Variants in GLIS3 observed in about 807,000 individuals in gnomAD.
GLIS3 encodes the protein zinc finger protein GLIS3.
GLIS3 carries 53 observed loss-of-function variants against 78.6 expected under a neutral mutation model. The ratio of observed to expected loss-of-function variants is 0.67; its 90% confidence interval spans 0.54 to 0.85. The LOEUF (loss-of-function observed/expected upper bound fraction) is 0.85, where lower values mean the gene tolerates loss of function less well. Ranked by LOEUF, GLIS3 falls within the 40% of genes least tolerant of loss-of-function variation. The pLI, the probability that GLIS3 is intolerant of heterozygous loss-of-function variation, is 0.00. For synonymous variants in GLIS3, 684 were observed against 509.9 expected, an observed-to-expected ratio of 1.34 and a Z score of -4.60; for missense variants, 1,703 against 1,231.1, an observed-to-expected ratio of 1.38 and a Z score of -5.74.
At chr9:4,174,269 A>C (rs1816633345) in intron 2 of GLIS3, among the ~76,000 whole-genome samples, 1 of 152,214 alleles carries the variant, frequency 6.6e-6, no homozygotes, top group African/African-American at 2.4e-5. Context: ...AACAGGTTTC[A>C]TGTATTATAC....
intron 2 of GLIS3, among the ~76,000 whole-genome samples, chr9:4,168,700 G>C (rs144597062): frequency 2.0e-5 from 3 of 152,118 alleles, no homozygotes; most frequent in African/African-American, 4.8e-5. Context: ...TGTTGTAACT[G>C]TCCTCCAAAC....
chr9:4,259,382 T>C (rs1048133206), intron 2 of GLIS3, among the ~76,000 whole-genome samples: 4 of 151,870 alleles, frequency 2.6e-5, no homozygotes, highest in African/African-American at 9.7e-5. Flanking sequence ...TGAAAACAGA[T>C]CCTCCCCATG....
chr9:4,272,195 G>A lies in GLIS3; in HGVS notation c.388+13843C>T, dbSNP rs147389643. Among the ~76,000 whole-genome samples, 364 of 152,238 alleles carry A rather than the reference G, an allele frequency of 2.4e-3. 2 individuals are homozygous for A. The highest frequency in any genetic ancestry group is 3.7e-3 in the Non-Finnish European group (250 of 68,016). Reference sequence around the variant, plus strand: ...CACTATTTTAAGCAAGTTGCGAATGGCACTTTTAACTCACATAGACACAAA... The same window carrying A: ...CACTATTTTAAGCAAGTTGCGAATGACACTTTTAACTCACATAGACACAAA... On this transcript the variant is annotated intron_variant, in intron 2 of 10. Transcript: ENST00000381971.
the GLIS3 span, among the ~76,000 whole-genome samples, chr9:4,474,030 A>C: frequency 6.6e-6 from 1 of 152,188 alleles, no homozygotes; most frequent in East Asian, 1.9e-4. Context: ...CCCTAAAGCT[A>C]TCTAAAAATT....
chr9:4,288,316 G>A (rs1254393825), intron 1 of GLIS3, among the ~76,000 whole-genome samples: 2 of 152,082 alleles, frequency 1.3e-5, no homozygotes, highest in African/African-American at 2.4e-5. Context: ...GTATTCAGCA[G>A]CAACCCACCC....
chr9:4,409,057 A>G, the GLIS3 span, among the ~76,000 whole-genome samples: 2 of 152,172 alleles, frequency 1.3e-5, no homozygotes, highest in Non-Finnish European at 2.9e-5. Flanking sequence ...TGGAAAAGAA[A>G]AAAACAAGGT....
At chr9:4,490,309 G>A in the GLIS3 span, 1 of 166,568 alleles carries the variant, frequency 6.0e-6, no homozygotes, top group Non-Finnish European at 1.3e-5. Flanking sequence ...CTGCCGCAGC[G>A]CTGGGCGCCC....
At chr9:4,236,402 A>C (rs1822757351) in intron 2 of GLIS3, among the ~76,000 whole-genome samples, 1 of 152,090 alleles carries the variant, frequency 6.6e-6, no homozygotes. Flanking sequence ...AATACTTAAG[A>C]ATTCCCACTT....
At chr9:3,974,851 C>T (rs1383761727) in intron 4 of GLIS3, among the ~76,000 whole-genome samples, 1 of 152,004 alleles carries the variant, frequency 6.6e-6, no homozygotes, top group East Asian at 1.9e-4. Context: ...AGAAAATGTC[C>T]TTTAATGTCA....
At chr9:4,328,785 G>A (rs1367847888) in intron 2 of GLIS3, among the ~76,000 whole-genome samples, 2 of 152,158 alleles carry the variant, frequency 1.3e-5, no homozygotes, top group South Asian at 2.1e-4. Context: ...CAGGTGTTGC[G>A]AGGACTGAAA....
intron 4 of GLIS3, among the ~76,000 whole-genome samples, chr9:3,991,911 T>G (rs1751570): frequency 6.6e-5 from 10 of 151,922 alleles, no homozygotes; most frequent in African/African-American, 1.9e-4. Flanking sequence ...AGGACAGTCT[T>G]GATCTCCTGA....
intron 4 of GLIS3, among the ~76,000 whole-genome samples, chr9:4,025,352 A>G (rs1490042613): frequency 6.6e-6 from 1 of 152,154 alleles, no homozygotes; most frequent in African/African-American, 2.4e-5. Flanking sequence ...ATATCAGACC[A>G]TATATACAAC....
rs913263204 is a variant in GLIS3, at chr9:4,177,455, A to C, written c.389-51514T>G. On this transcript the variant is annotated intron_variant, in intron 2 of 10. Transcript: ENST00000381971. ...TACATGGTCAATGGAAATTTTACAC[A>C]GAGCCCAATGTCTGAAACAGATACA... 1.4e-4 allele frequency among the ~76,000 whole-genome samples: 22 copies of C among 152,328 alleles called. 1 individual carries two copies. Among genetic ancestry groups the C allele is most frequent in the Admixed American group, 1.3e-3 (20 of 15,304 alleles).
At chr9:3,851,028 T>C (rs180986566) in intron 9 of GLIS3, among the ~76,000 whole-genome samples, 78 of 152,376 alleles carry the variant, frequency 5.1e-4, no homozygotes, top group African/African-American at 1.7e-3. Context: ...ACATTCATGT[T>C]TGCATTGCAC....
At chr9:4,381,482 A>C in the GLIS3 span, among the ~76,000 whole-genome samples, 1 of 152,214 alleles carries the variant, frequency 6.6e-6, no homozygotes, top group African/African-American at 2.4e-5. Flanking sequence ...AATCAAGTTA[A>C]CACAGGAAAA....
chr9:4,345,553 T>G (rs1348653666), intron 2 of GLIS3, among the ~76,000 whole-genome samples: 1 of 152,216 alleles, frequency 6.6e-6, no homozygotes, highest in Non-Finnish European at 1.5e-5. Context: ...AACTGGGATT[T>G]TGGCCTGCAG....
chr9:4,168,543 T>C (rs1816087612), intron 2 of GLIS3, among the ~76,000 whole-genome samples: 1 of 152,226 alleles, frequency 6.6e-6, no homozygotes, highest in Non-Finnish European at 1.5e-5. Context: ...TTTAAAGCTC[T>C]TTAGTTCATG....
intron 9 of GLIS3, among the ~76,000 whole-genome samples, chr9:3,855,000 G>A (rs541193348): frequency 6.6e-6 from 1 of 152,168 alleles, no homozygotes; most frequent in Non-Finnish European, 1.5e-5. Context: ...GAAAATTCAG[G>A]CATCAGCAAG....
chr9:4,440,331 G>A, the GLIS3 span, among the ~76,000 whole-genome samples: 1 of 152,142 alleles, frequency 6.6e-6, no homozygotes, highest in Admixed American at 6.6e-5. Flanking sequence ...TGGGGTCTTA[G>A]ACTTAAGTCT....
Sources: allele counts gnomAD v4.1 joint callset (sites outside exome capture counted in the v4.1 genomes callset), GRCh38; gene constraint gnomAD v4.1.1; transcripts MANE v1.5; gene names NCBI Gene and HGNC (gene_info 2026-07-23, HGNC 2026-07-21).